Variants in UPF2 observed in about 807,000 individuals in gnomAD.
UPF2 encodes UPF2 regulator of nonsense mediated mRNA decay.
A neutral mutation model predicts 141.4 loss-of-function variants in UPF2; 17 were observed. The ratio of observed to expected loss-of-function variants is 0.12; its 90% CI spans 0.08 to 0.18. The LOEUF is 0.18. UPF2 is among the 10% of genes least tolerant of loss of function. The probability of loss-of-function intolerance (pLI) is 1.00; values close to 1 mark genes in which losing one functional copy is unlikely to be tolerated. For missense variants in UPF2, 1,152 were observed against 1,515.9 expected (o/e 0.76, Z 3.99); for synonymous variants, 540 against 498.0 (o/e 1.08, Z -1.12).
chr10:11,960,788 TAAGA>T (rs770062717), intron 11 of UPF2, among the ~76,000 whole-genome samples: 7 of 142,998 alleles, frequency 4.9e-5, no homozygotes, highest in Non-Finnish European at 9.2e-5. Flanking sequence ...AAAAAAAAAA[TAAGA>T]AAGAAAGAAA....
intron 9 of UPF2, among the ~76,000 whole-genome samples, chr10:11,970,865 TTAGGGTCAG>T (rs1833405077): frequency 6.6e-6 from 1 of 151,576 alleles, no homozygotes; most frequent in Non-Finnish European, 1.5e-5. Flanking sequence ...AACTAAGTCT[TTAGGGTCAG>T]TAGGGTTGGG....
At chr10:12,022,200 T>C (rs907926789) in intron 3 of UPF2, among the ~76,000 whole-genome samples, 3 of 151,556 alleles carry the variant, frequency 2.0e-5, no homozygotes, top group South Asian at 4.2e-4. Context: ...TTGTGTGAGC[T>C]CAGGAGTTCG....
chr10:11,926,240 G>A (rs1348230134), intron 21 of UPF2, among the ~76,000 whole-genome samples: 2 of 152,196 alleles, frequency 1.3e-5, no homozygotes, highest in Admixed American at 6.5e-5. Context: ...GGACAAGAGG[G>A]CAGACAACGC....
chr10:12,039,661 G>C (rs543925495), intron 1 of UPF2, among the ~76,000 whole-genome samples: 1 of 140,278 alleles, frequency 7.1e-6, no homozygotes, highest in Admixed American at 7.6e-5. Context: ...TCACTCTGTC[G>C]CCAGGCTGGA....
chr10:11,969,360 G>A (rs1027000464), intron 9 of UPF2, among the ~76,000 whole-genome samples: 6 of 151,860 alleles, frequency 4.0e-5, no homozygotes, highest in African/African-American at 1.2e-4. Flanking sequence ...TAGTAGAGAC[G>A]GGGTTTCACT....
chr10:11,940,783 T>C lies in UPF2; in HGVS notation c.3378+1882A>G, dbSNP rs1459468573. Among the ~76,000 whole-genome samples, 1 of 152,226 alleles carries C rather than the reference T, an allele frequency of 6.6e-6. No individual in the cohort carries two copies. Among genetic ancestry groups the C allele is most frequent in the Non-Finnish European group, 1.5e-5 (1 of 68,036 alleles). ...AAGCCTTCTGTCCAGGCTCCCTGCT[T>C]TTAGCCTTGCCCTGGTGGGTACCTC... is the stretch of plus-strand genomic sequence containing the variant. On this transcript the variant is annotated intron_variant, in intron 18 of 21. Transcript: ENST00000357604. The surrounding 1 kb of genome is among the most constrained non-coding windows in gnomAD (Gnocchi z 4.2).
At chr10:11,997,599 G>A in intron 8 of UPF2, 73 bp downstream of exon 8, 1 of 1,288,986 alleles carries the variant, frequency 7.8e-7, no homozygotes. Flanking sequence ...TTTTTCAAGA[G>A]GTAAGAATTT....
At chr10:11,938,868 T>TTTTTTTTTTTTTTTTTTTTGTTTTG (rs1832897282) in intron 18 of UPF2, among the ~76,000 whole-genome samples, 4 of 90,852 alleles carry the variant, frequency 4.4e-5, no homozygotes, top group African/African-American at 1.5e-4. Flanking sequence ...TTTTTTTTTT[T>TTTTTTTTTTTTTTTTTTTTGTTTTG]TTTTTTTTTT....
At chr10:11,961,322 A>G (rs895987809) in intron 11 of UPF2, among the ~76,000 whole-genome samples, 5 of 152,014 alleles carry the variant, frequency 3.3e-5, no homozygotes, top group Admixed American at 2.0e-4. Flanking sequence ...CAGAGAACCT[A>G]CTTCAGTTTG....
Position 11,948,350 on chromosome 10 carries a change from T to C in UPF2, c.3174+19A>G, listed in dbSNP as rs1196686808. On this transcript the variant is annotated intron_variant, in intron 16 of 21. Coordinates refer to ENST00000357604, the MANE Select transcript of UPF2 (RefSeq NM_015542.4). ...CTTATACAAATGTACTCTATGTTGC[T>C]ACATATAAAAGTCATCACCTCTTCT... 6.4e-7 allele frequency: 1 copy of C among 1,560,318 alleles called. No homozygotes were observed. Among genetic ancestry groups the C allele is most frequent in the Non-Finnish European group, 8.7e-7 (1 of 1,150,902 alleles).
Position 12,013,029 on chromosome 10 carries a change from G to A in UPF2, c.1306+995C>T, listed in dbSNP as rs371277059. The stretch of plus-strand genomic sequence containing the variant: ...AGTCCCAGCTACTTGGGAGACTGAC[G>A]CAGGAGACTCATTTGAGCCCAAGAG... On this transcript the variant is annotated intron_variant, in intron 4 of 21. Coordinates refer to ENST00000357604, the MANE Select transcript of UPF2 (RefSeq NM_015542.4). 2.0e-4 allele frequency among the ~76,000 whole-genome samples: 30 copies of A among 150,708 alleles called. No homozygotes were observed. In the East Asian group the frequency reaches 3.6e-3, roughly 18 times the overall value.
Position 12,014,136 on chromosome 10 carries a change from C to T in UPF2, c.1194G>A (p.Gln398=), listed in dbSNP as rs956496160. 1.3e-6 allele frequency: 2 copies of T among 1,566,532 alleles called. No homozygotes were observed. The highest frequency in any genetic ancestry group is 1.7e-6 in the Non-Finnish European group (2 of 1,152,822). ...GGTAAGACATAGCAAATTCCTCATA[C>T]TGTTTATGTCTATCTTCACTGAGCT... is the stretch of plus-strand genomic sequence containing the variant. ...KGELSEDRHK[Q]YEEFAMSYQK... is the part of the protein sequence containing the mutation. Residue 398 remains glutamine (Q), a synonymous_variant, in exon 4 of 22, where the codon CAG becomes CAA. Transcript: ENST00000357604. This position sits in a 1 kb window ranked among gnomAD's most constrained non-coding sequence, Gnocchi z 5.0.
At chr10:12,003,257 A>T (rs1180554536) in intron 5 of UPF2, among the ~76,000 whole-genome samples, 1 of 152,218 alleles carries the variant, frequency 6.6e-6, no homozygotes, top group East Asian at 1.9e-4. Flanking sequence ...AACATCTACT[A>T]ATCAGCTACA....
chr10:12,032,297 CAAA>C (rs56170503), intron 2 of UPF2, among the ~76,000 whole-genome samples: 2 of 113,778 alleles, frequency 1.8e-5, no homozygotes, highest in African/African-American at 3.2e-5. Context: ...AACTCTGTCT[CAAA>C]AAAAAAAAAA....
chr10:12,026,435 T>G (rs1834420723), intron 3 of UPF2, among the ~76,000 whole-genome samples: 1 of 152,064 alleles, frequency 6.6e-6, no homozygotes, highest in Admixed American at 6.6e-5. Flanking sequence ...CTGAAAGAAC[T>G]GGAGGTATTT....
intron 1 of UPF2, among the ~76,000 whole-genome samples, chr10:12,040,342 A>G (rs1325428143): frequency 6.6e-6 from 1 of 152,120 alleles, no homozygotes; most frequent in Non-Finnish European, 1.5e-5. Flanking sequence ...GAATCACTTG[A>G]ACCCGGGAGG....
chr10:11,924,577 C>A (rs1449348777), intron 21 of UPF2, among the ~76,000 whole-genome samples: 3 of 149,442 alleles, frequency 2.0e-5, no homozygotes, highest in Non-Finnish European at 4.5e-5. Context: ...CATGTCGTCT[C>A]AAAAAAAAAA....
At chr10:11,993,514 C>T (rs756248092) in intron 8 of UPF2, among the ~76,000 whole-genome samples, 6 of 150,502 alleles carry the variant, frequency 4.0e-5, no homozygotes, top group Non-Finnish European at 5.9e-5. Flanking sequence ...ACAAAGTAAA[C>T]TTCAAAAATT....
chr10:12,019,060 G>T lies in UPF2; in HGVS notation c.1146-4876C>A, dbSNP rs999638419. On this transcript the variant is annotated intron_variant, in intron 3 of 21. Transcript: ENST00000357604. This position sits in a 1 kb window ranked among gnomAD's most constrained non-coding sequence, Gnocchi z 4.5. ...ATAACCAAAATCAAGCTGAAAATATGATTTCATCACATATTTTAATTATTG... is the reference window on the plus strand; with the variant it reads ...ATAACCAAAATCAAGCTGAAAATATTATTTCATCACATATTTTAATTATTG... Among the ~76,000 whole-genome samples the T allele has an allele frequency of 2.0e-5, 3 of 152,118 alleles. No homozygotes were observed. Among genetic ancestry groups the T allele is most frequent in the Non-Finnish European group, 4.4e-5 (3 of 68,028 alleles).
Sources: gnomAD v4.1 joint callset for allele counts (sites outside exome capture counted in the v4.1 genomes callset) on GRCh38, gnomAD v4.1.1 for gene constraint, Gnocchi (gnomAD v3.1) non-coding constraint, MANE v1.5 for transcripts, NCBI Gene and HGNC (gene_info 2026-07-23, HGNC 2026-07-21) for gene names.